Variants in ZBTB16 observed in about 807,000 individuals in gnomAD.
The protein encoded by ZBTB16 is zinc finger and BTB domain containing 16.
A neutral mutation model predicts 56.8 loss-of-function variants in ZBTB16; 8 were observed. The ratio of observed to expected loss-of-function variants is 0.14; its 90% CI spans 0.08 to 0.25. ZBTB16 has a LOEUF of 0.25. Ranked by LOEUF, ZBTB16 falls within the 10% of genes least tolerant of loss-of-function variation. ZBTB16 has a pLI of 1.00. For missense variants in ZBTB16, 625 were observed against 903.0 expected (o/e 0.69, Z 3.95); for synonymous variants, 363 against 368.5 (o/e 0.98, Z 0.17).
chr11:114,207,902 C>A (rs1943919422), intron 4 of ZBTB16, among the ~76,000 whole-genome samples: 2 of 152,260 alleles, frequency 1.3e-5, no homozygotes, highest in Non-Finnish European at 2.9e-5. Context: ...GCGTGTGCCA[C>A]CATGCCCAGC....
chr11:114,170,663 A>G (rs1031423604), intron 3 of ZBTB16, among the ~76,000 whole-genome samples: 4 of 151,606 alleles, frequency 2.6e-5, no homozygotes, highest in African/African-American at 9.7e-5. Context: ...TTCATTAGGT[A>G]GTTGGGATAA....
At chr11:114,085,376 G>T (rs1223683924) in intron 2 of ZBTB16, among the ~76,000 whole-genome samples, 1 of 152,172 alleles carries the variant, frequency 6.6e-6, no homozygotes, top group Non-Finnish European at 1.5e-5. Flanking sequence ...AATTCAAAAA[G>T]CATTTACTGA....
At chr11:114,168,147 T>C (rs944465518) in intron 3 of ZBTB16, among the ~76,000 whole-genome samples, 1 of 152,246 alleles carries the variant, frequency 6.6e-6, no homozygotes, top group Non-Finnish European at 1.5e-5. Context: ...ACTACCTCGC[T>C]TAGTAACCTG....
chr11:114,232,437 GAGA>G (rs1944457832), intron 4 of ZBTB16, among the ~76,000 whole-genome samples: 3 of 152,170 alleles, frequency 2.0e-5, no homozygotes, highest in African/African-American at 7.2e-5. Flanking sequence ...TGCATCTTGG[GAGA>G]AGTTGTTGAG....
chr11:114,165,688 G>T (rs546862377), intron 3 of ZBTB16, among the ~76,000 whole-genome samples: 2 of 152,182 alleles, frequency 1.3e-5, no homozygotes, highest in African/African-American at 4.8e-5. Context: ...CAGTGCCAGG[G>T]AGAGGCCTGA....
At chr11:114,159,099 G>A (rs1241907109) in intron 3 of ZBTB16, among the ~76,000 whole-genome samples, 2 of 152,176 alleles carry the variant, frequency 1.3e-5, no homozygotes, top group Non-Finnish European at 2.9e-5. Context: ...GAAAAGAAAG[G>A]GTTGCTTGCA....
intron 3 of ZBTB16, among the ~76,000 whole-genome samples, chr11:114,186,474 G>A (rs182913563): frequency 3.9e-5 from 6 of 152,312 alleles, no homozygotes; most frequent in African/African-American, 1.4e-4. Context: ...GCAGGTGGCA[G>A]TTGGGGGACA....
intron 2 of ZBTB16, among the ~76,000 whole-genome samples, chr11:114,088,350 C>A (rs1940041793): frequency 6.6e-6 from 1 of 152,048 alleles, no homozygotes. Flanking sequence ...CCATGCTGGC[C>A]AGGCTGGTCC....
At chr11:114,170,430 G>A (rs1163260203) in intron 3 of ZBTB16, among the ~76,000 whole-genome samples, 5 of 152,220 alleles carry the variant, frequency 3.3e-5, no homozygotes, top group Non-Finnish European at 7.3e-5. Context: ...CTTGTTCACC[G>A]CGTAGATGGA....
At chr11:114,079,542 C>T (rs527652054) in intron 2 of ZBTB16, among the ~76,000 whole-genome samples, 1 of 152,320 alleles carries the variant, frequency 6.6e-6, no homozygotes, top group South Asian at 2.1e-4. Context: ...TTGCTTAATC[C>T]TGTGATGCTG....
At chr11:114,224,799 GA>G (rs930725710) in intron 4 of ZBTB16, among the ~76,000 whole-genome samples, 6 of 152,114 alleles carry the variant, frequency 3.9e-5, no homozygotes, top group African/African-American at 1.2e-4. Context: ...GTTTCAAAAA[GA>G]AAAAAGCAGT....
At chr11:114,204,389 C>G (rs1403452441) in intron 4 of ZBTB16, among the ~76,000 whole-genome samples, 1 of 152,186 alleles carries the variant, frequency 6.6e-6, no homozygotes, top group Non-Finnish European at 1.5e-5. Context: ...ATCCACCCAC[C>G]TCACCCTCTT....
chr11:114,222,330 A>G (rs1944245412), intron 4 of ZBTB16, among the ~76,000 whole-genome samples: 1 of 152,002 alleles, frequency 6.6e-6, no homozygotes, highest in African/African-American at 2.4e-5. Context: ...AGCTCCCCCA[A>G]CCCCCAAAAT....
intron 3 of ZBTB16, among the ~76,000 whole-genome samples, chr11:114,162,236 G>A (rs55726100): frequency 0.082 from 12,536 of 152,294 alleles, 984 homozygotes; most frequent in African/African-American, 0.2. Flanking sequence ...GCGGTTGGAC[G>A]GAAGAAGAAA....
At chr11:114,171,762 C>T (rs1471420714) in intron 3 of ZBTB16, among the ~76,000 whole-genome samples, 2 of 152,228 alleles carry the variant, frequency 1.3e-5, no homozygotes, top group African/African-American at 4.8e-5. Flanking sequence ...GTTTTCAGAA[C>T]TTTATCTCAG....
intron 4 of ZBTB16, among the ~76,000 whole-genome samples, chr11:114,241,490 G>A (rs1338153125): frequency 6.6e-6 from 1 of 152,102 alleles, no homozygotes; most frequent in East Asian, 1.9e-4. Flanking sequence ...TGCATTCAAG[G>A]GATCCAGGCT....
chr11:114,186,139 A>G (rs1306304220), intron 3 of ZBTB16, among the ~76,000 whole-genome samples: 1 of 152,140 alleles, frequency 6.6e-6, no homozygotes. Flanking sequence ...CCTCACCTAC[A>G]GTTGGGGGCC....
chr11:114,063,756 C>T lies in ZBTB16; in HGVS notation c.456C>T (p.Tyr152=). 13 of 1,614,038 alleles carry T rather than the reference C, an allele frequency of 8.1e-6. No homozygotes were observed. Among genetic ancestry groups the T allele is most frequent in the Non-Finnish European group, 1.1e-5 (13 of 1,180,044 alleles). Residue 152 remains tyrosine (Y), a synonymous_variant, in exon 2 of 7, where the codon TAC becomes TAT. Coordinates refer to ENST00000335953, the MANE Select transcript of ZBTB16 (RefSeq NM_006006.6). This position sits in a 1 kb window ranked among gnomAD's most constrained non-coding sequence, Gnocchi z 6.5. The part of the protein sequence containing the change: ...AEEEEDRKAR[Y]LKNIFISKHS... Reference sequence around the variant, plus strand: ...AAGAAGAGGACCGCAAGGCTCGGTACCTCAAGAACATCTTCATCTCGAAGC... The same window carrying T: ...AAGAAGAGGACCGCAAGGCTCGGTATCTCAAGAACATCTTCATCTCGAAGC...
chr11:114,120,985 A>G (rs1464139576), intron 2 of ZBTB16, among the ~76,000 whole-genome samples: 1 of 152,154 alleles, frequency 6.6e-6, no homozygotes, highest in African/African-American at 2.4e-5. Context: ...GTCGGTCTGC[A>G]TAGTTAAATG....
Sources: allele counts gnomAD v4.1 joint callset (sites outside exome capture counted in the v4.1 genomes callset), GRCh38; gene constraint gnomAD v4.1.1; non-coding constraint Gnocchi (gnomAD v3.1); transcripts MANE v1.5; gene names NCBI Gene and HGNC (gene_info 2026-07-23, HGNC 2026-07-21).